Variants in TFDP2 observed in about 807,000 individuals in gnomAD.
TFDP2 encodes transcription factor Dp-2.
TFDP2 carries 17 observed loss-of-function variants against 59.3 expected under a neutral mutation model. The ratio of observed to expected loss-of-function variants is 0.29; its 90% CI spans 0.20 to 0.43. TFDP2 has a LOEUF of 0.43. Ranked by LOEUF, TFDP2 falls within the 20% of genes least tolerant of loss-of-function variation. The probability of loss-of-function intolerance (pLI) is 1.00; values close to 1 mark genes in which losing one functional copy is unlikely to be tolerated. For missense variants in TFDP2, 391 were observed against 528.8 expected (o/e 0.74, Z 2.56); for synonymous variants, 180 against 194.7 (o/e 0.92, Z 0.63).
At chr3:142,122,869 A>G (rs1312049856) in intron 1 of TFDP2, among the ~76,000 whole-genome samples, 1 of 152,230 alleles carries the variant, frequency 6.6e-6, no homozygotes, top group Non-Finnish European at 1.5e-5. Context: ...ATTAAAATTA[A>G]TTAATTGCAG....
At chr3:142,050,338 G>A (rs1560087943) in intron 3 of TFDP2, among the ~76,000 whole-genome samples, 2 of 151,248 alleles carry the variant, frequency 1.3e-5, no homozygotes, top group African/African-American at 4.9e-5. Context: ...TCTTATCCCA[G>A]ACACCTATCC....
At chr3:141,976,520 G>C (rs1039191344) in intron 7 of TFDP2, among the ~76,000 whole-genome samples, 7 of 152,200 alleles carry the variant, frequency 4.6e-5, no homozygotes, top group African/African-American at 1.7e-4. Flanking sequence ...TCATTGTGGT[G>C]ACAGGTGAGT....
chr3:142,010,608 CA>C (rs34003711), intron 3 of TFDP2, among the ~76,000 whole-genome samples: 158 of 57,104 alleles, frequency 2.8e-3, no homozygotes, highest in Middle Eastern at 0.01. Flanking sequence ...GACTCTGTCT[CA>C]AAAAAAAAAA....
At chr3:141,970,868 T>C (rs907958510) in intron 8 of TFDP2, among the ~76,000 whole-genome samples, 3 of 151,696 alleles carry the variant, frequency 2.0e-5, no homozygotes, top group African/African-American at 7.3e-5. Flanking sequence ...TTGAGACCAG[T>C]CTGGCCAACA....
chr3:141,995,511 C>T (rs1401876419), intron 4 of TFDP2, among the ~76,000 whole-genome samples: 1 of 152,230 alleles, frequency 6.6e-6, no homozygotes, highest in East Asian at 1.9e-4. Flanking sequence ...GCAAATCACA[C>T]TTCCACAGTC....
At chr3:141,958,474 T>C (rs1444599834) in intron 11 of TFDP2, among the ~76,000 whole-genome samples, 2 of 152,152 alleles carry the variant, frequency 1.3e-5, no homozygotes, top group Non-Finnish European at 2.9e-5. Context: ...TTTACCATTT[T>C]GGTTTATCTC....
intron 4 of TFDP2, among the ~76,000 whole-genome samples, chr3:142,004,244 A>G (rs1474668301): frequency 1.3e-5 from 2 of 152,214 alleles, no homozygotes; most frequent in South Asian, 4.1e-4. Flanking sequence ...TGCAGATGAT[A>G]AACAGTCCTC....
chr3:142,090,545 T>TTTTC (rs749465919), intron 3 of TFDP2, among the ~76,000 whole-genome samples: 1 of 151,696 alleles, frequency 6.6e-6, no homozygotes, highest in Non-Finnish European at 1.5e-5. Flanking sequence ...TTGGAAGCAT[T>TTTTC]TTTCTTTCTT....
At chr3:142,138,072 G>A (rs1398232988) in intron 1 of TFDP2, among the ~76,000 whole-genome samples, 1 of 152,168 alleles carries the variant, frequency 6.6e-6, no homozygotes, top group African/African-American at 2.4e-5. Flanking sequence ...GGTCTATTCA[G>A]AGATTCAACT....
At chr3:142,107,420 G>T (rs566934004) in intron 1 of TFDP2, among the ~76,000 whole-genome samples, 2 of 151,978 alleles carry the variant, frequency 1.3e-5, no homozygotes, top group South Asian at 4.2e-4. Context: ...TTTTAGTAGA[G>T]ACGGGGTTTT....
chr3:142,022,439 A>G (rs574720819), intron 3 of TFDP2, among the ~76,000 whole-genome samples: 2 of 152,300 alleles, frequency 1.3e-5, no homozygotes, highest in East Asian at 3.9e-4. Context: ...CTTAAGTGTT[A>G]TATTTTTTCA....
chr3:142,144,680 T>G (rs1420572362), intron 1 of TFDP2, among the ~76,000 whole-genome samples: 1 of 152,098 alleles, frequency 6.6e-6, no homozygotes, highest in African/African-American at 2.4e-5. Flanking sequence ...TACCTGGGAC[T>G]ATAGGCACAT....
chr3:142,131,784 C>A (rs2062514121), intron 1 of TFDP2, among the ~76,000 whole-genome samples: 2 of 149,696 alleles, frequency 1.3e-5, no homozygotes, highest in Admixed American at 6.6e-5. Flanking sequence ...GGCGGGCAGA[C>A]CACCTGAGGT....
At chr3:142,148,925 C>T (rs2063278846) in intron 1 of TFDP2, among the ~76,000 whole-genome samples, 1 of 152,214 alleles carries the variant, frequency 6.6e-6, no homozygotes, top group South Asian at 2.1e-4. Flanking sequence ...TCCCCTCTTC[C>T]ACGAGGCGTG....
intron 3 of TFDP2, among the ~76,000 whole-genome samples, chr3:142,014,824 C>A (rs1415811962): frequency 1.3e-5 from 2 of 152,174 alleles, no homozygotes; most frequent in African/African-American, 2.4e-5. Flanking sequence ...AAACAAAAAA[C>A]CAACTTTTCT....
chr3:142,083,513 T>C (rs994649667), intron 3 of TFDP2, among the ~76,000 whole-genome samples: 2 of 152,068 alleles, frequency 1.3e-5, no homozygotes, highest in Non-Finnish European at 2.9e-5. Flanking sequence ...TCCTAAAATT[T>C]ATATAGAGCC....
At chr3:141,977,081 G>A (rs1275837342) in intron 7 of TFDP2, among the ~76,000 whole-genome samples, 1 of 127,844 alleles carries the variant, frequency 7.8e-6, no homozygotes, top group Non-Finnish European at 1.6e-5. Flanking sequence ...TAGAGAAACA[G>A]TCATAGCCAT....
chr3:142,108,182 A>G (rs1291434493), intron 1 of TFDP2, among the ~76,000 whole-genome samples: 1 of 150,776 alleles, frequency 6.6e-6, no homozygotes, highest in African/African-American at 2.4e-5. Context: ...CCAAGACCAC[A>G]TGGTCTGTGT....
intron 1 of TFDP2, among the ~76,000 whole-genome samples, chr3:142,105,332 A>C (rs2061437304): frequency 6.6e-6 from 1 of 152,172 alleles, no homozygotes; most frequent in Non-Finnish European, 1.5e-5. Context: ...CCAACTACAA[A>C]TACTACATCG....
Sources: allele counts gnomAD v4.1 joint callset (sites outside exome capture counted in the v4.1 genomes callset), GRCh38; gene constraint gnomAD v4.1.1; transcripts MANE v1.5; gene names NCBI Gene and HGNC (gene_info 2026-07-23, HGNC 2026-07-21).